The following NBEA variants were observed in gnomAD, a reference collection of about 807,000 sequenced individuals.
NBEA encodes lysosomal-trafficking regulator 2.
Under a neutral mutation model 343.4 loss-of-function variants are expected in NBEA, and 44 were observed. The observed-to-expected ratio is 0.13, with a 90% CI of 0.10 to 0.16. NBEA has a LOEUF of 0.16. Ranked by LOEUF, NBEA falls within the 10% of genes least tolerant of loss-of-function variation. The pLI is 1.00. For missense variants in NBEA, 2,555 were observed against 3,631.3 expected, an observed-to-expected ratio of 0.70 and a Z score of 7.62; for synonymous variants, 1,175 against 1,238.7, an observed-to-expected ratio of 0.95 and a Z score of 1.08.
chr13:35,223,000 A>G (rs1419089395), intron 33 of NBEA, among the ~76,000 whole-genome samples: 2 of 152,082 alleles, frequency 1.3e-5, no homozygotes, highest in Admixed American at 6.5e-5. Flanking sequence ...GTGTGGTGGC[A>G]TGTGCCTGTA....
chr13:35,386,792 G>T (rs74054528), intron 38 of NBEA, among the ~76,000 whole-genome samples: 2,641 of 152,118 alleles, frequency 0.017, 48 homozygotes, highest in African/African-American at 0.044. Context: ...TATGGTTGTT[G>T]ATAAATGTGG....
intron 1 of NBEA, among the ~76,000 whole-genome samples, chr13:35,011,644 G>A (rs896054387): frequency 1.3e-5 from 2 of 152,100 alleles, no homozygotes; most frequent in African/African-American, 2.4e-5. Flanking sequence ...GAAAACAGAA[G>A]CAATGCCCAT....
At chr13:35,302,915 C>G (rs142797037) in intron 35 of NBEA, among the ~76,000 whole-genome samples, 4 of 152,066 alleles carry the variant, frequency 2.6e-5, no homozygotes. Flanking sequence ...GTAAACTGAA[C>G]TCATAGAGTC....
At chr13:35,233,908 A>G (rs2075098830) in intron 34 of NBEA, among the ~76,000 whole-genome samples, 1 of 152,174 alleles carries the variant, frequency 6.6e-6, no homozygotes, top group Non-Finnish European at 1.5e-5. Flanking sequence ...TCAATTTTAA[A>G]TAGGCCTCAT....
intron 1 of NBEA, among the ~76,000 whole-genome samples, chr13:35,030,731 CAAT>C (rs917590044): frequency 3.3e-5 from 5 of 151,560 alleles, no homozygotes; most frequent in African/African-American, 4.8e-5. Flanking sequence ...TAAAAGTTAA[CAAT>C]AAAGGTTATA....
intron 38 of NBEA, 113 bp downstream of exon 38, chr13:35,352,436 A>T (rs1469240330): frequency 3.3e-6 from 2 of 603,910 alleles, no homozygotes; most frequent in Non-Finnish European, 4.8e-6. Context: ...TTTAAAATAT[A>T]AAAAATTACT....
At chr13:35,171,108 G>T in intron 25 of NBEA, 164 bp from the exon 26 acceptor site, 2 of 763,940 alleles carry the variant, frequency 2.6e-6, no homozygotes, top group South Asian at 1.4e-5. Context: ...AACCGAATTT[G>T]GTAACCAGCT....
At chr13:35,423,255 T>A (rs2152924899) in intron 38 of NBEA, among the ~76,000 whole-genome samples, 1 of 152,276 alleles carries the variant, frequency 6.6e-6, no homozygotes, top group East Asian at 1.9e-4. Context: ...ATTGCCTAGG[T>A]TTTCTTTTAG....
At position 35,451,411 on chromosome 13, in the gene NBEA, T is replaced by C. The variant is rs142061119; in HGVS notation, c.6305-681T>C. On this transcript the variant is annotated intron_variant, in intron 39 of 58. Coordinates refer to ENST00000379939, the MANE Select transcript of NBEA (RefSeq NM_001385012.1). ...TGCTGGGATTACAGGCGTGAGCCAC[T>C]GCGCCCAACCAGCTTTTTGTGTTAT... Among the ~76,000 whole-genome samples the C allele has an allele frequency of 3.9e-3, 595 of 152,292 alleles. 4 individuals carry two copies. The highest frequency in any genetic ancestry group is 0.014 in the African/African-American group (565 of 41,560).
intron 45 of NBEA, among the ~76,000 whole-genome samples, chr13:35,569,298 T>A (rs997030962): frequency 6.6e-6 from 1 of 152,212 alleles, no homozygotes; most frequent in African/African-American, 2.4e-5. Flanking sequence ...AAACTAGTTC[T>A]TTGACAAAAT....
chr13:35,317,295 G>T (rs1024919318), intron 36 of NBEA, among the ~76,000 whole-genome samples: 1 of 152,168 alleles, frequency 6.6e-6, no homozygotes, highest in African/African-American at 2.4e-5. Flanking sequence ...GTGTAAGGAA[G>T]GGGTCCAGTT....
chr13:34,976,334 A>T (rs2060172893), intron 1 of NBEA, among the ~76,000 whole-genome samples: 1 of 152,096 alleles, frequency 6.6e-6, no homozygotes, highest in South Asian at 2.1e-4. Context: ...TGGTACCCAA[A>T]CCTCATATGT....
intron 1 of NBEA, among the ~76,000 whole-genome samples, chr13:34,945,703 C>T (rs963534796): frequency 6.6e-6 from 1 of 152,008 alleles, no homozygotes; most frequent in African/African-American, 2.4e-5. Context: ...GGAGTTTCTA[C>T]CTTAAACAAT....
intron 38 of NBEA, among the ~76,000 whole-genome samples, chr13:35,390,341 T>C (rs909471183): frequency 2.6e-5 from 4 of 152,152 alleles, no homozygotes; most frequent in Admixed American, 1.3e-4. Context: ...TTTCTTTTTC[T>C]TTGGAGACTT....
In NBEA at chr13:35,357,393, C is replaced by T. The variant is rs897876365; in HGVS notation, c.6179+5070C>T. Among the ~76,000 whole-genome samples the T allele has an allele frequency of 2.6e-5, 4 of 151,804 alleles. No homozygotes were observed. The South Asian group carries it at 8.3e-4, about 31-fold the overall frequency. On this transcript the variant is annotated intron_variant, in intron 38 of 58. Transcript: ENST00000379939. ...GTTTGTTATATAGATTATTTCATCA[C>T]CCAGGAATTAAGCCTAGTATCTGTT...
At chr13:35,017,787 A>G (rs2061704986) in intron 1 of NBEA, among the ~76,000 whole-genome samples, 1 of 152,090 alleles carries the variant, frequency 6.6e-6, no homozygotes, top group Non-Finnish European at 1.5e-5. Context: ...TTAATTCTGT[A>G]CAAGTCTAAT....
chr13:35,352,650 A>G (rs1038478962), intron 38 of NBEA, among the ~76,000 whole-genome samples: 1 of 152,060 alleles, frequency 6.6e-6, no homozygotes. Flanking sequence ...GCTCTTTTTA[A>G]AAAAGAATCT....
At chr13:35,308,552 A>G (rs1468007465) in intron 35 of NBEA, among the ~76,000 whole-genome samples, 1 of 111,772 alleles carries the variant, frequency 8.9e-6, no homozygotes. Flanking sequence ...ATATATATGT[A>G]TATATGTATA....
intron 1 of NBEA, among the ~76,000 whole-genome samples, chr13:34,959,079 C>T (rs1255125206): frequency 1.3e-5 from 2 of 151,934 alleles, no homozygotes; most frequent in Non-Finnish European, 2.9e-5. Flanking sequence ...GAAAAAATAC[C>T]TTAGAAGCCA....
Sources: gnomAD v4.1 joint callset for allele counts (sites outside exome capture counted in the v4.1 genomes callset) on GRCh38, gnomAD v4.1.1 for gene constraint, MANE v1.5 for transcripts, NCBI Gene and HGNC (gene_info 2026-07-23, HGNC 2026-07-21) for gene names.